The following WLS variants were observed in gnomAD, a reference collection of about 807,000 sequenced individuals.
The protein encoded by WLS is Wnt ligand secretion mediator, also known as protein wntless homolog.
A neutral mutation model predicts 62.8 loss-of-function variants in WLS; 23 were observed. The observed-to-expected ratio is 0.37, with a 90% confidence interval of 0.26 to 0.52. WLS has a LOEUF of 0.52. Ranked by LOEUF, WLS falls within the 20% of genes least tolerant of loss-of-function variation. The pLI is 0.92. For synonymous variants in WLS, 246 were observed against 244.1 expected, an observed-to-expected ratio of 1.01 and a Z score of -0.07; for missense variants, 615 against 697.3, an observed-to-expected ratio of 0.88 and a Z score of 1.33.
At chr1:68,107,393 G>A (rs1337548411) in intron 11 of WLS, among the ~76,000 whole-genome samples, 1 of 152,088 alleles carries the variant, frequency 6.6e-6, no homozygotes, top group African/African-American at 2.4e-5. Context: ...TGGAAGGTAG[G>A]AGGATAGATA....
intron 1 of WLS, among the ~76,000 whole-genome samples, chr1:68,196,098 T>C (rs1419221749): frequency 6.6e-6 from 1 of 151,486 alleles, no homozygotes. Flanking sequence ...TCTTCCCCAA[T>C]CCATTTCAAA....
chr1:68,170,871 TCA>T (rs1647143431), intron 2 of WLS, among the ~76,000 whole-genome samples: 1 of 152,222 alleles, frequency 6.6e-6, no homozygotes. Flanking sequence ...TCAGTCTTGT[TCA>T]CAGTTATATC....
intron 2 of WLS, chr1:68,162,070 A>G (rs1570921883): frequency 1.6e-5 from 25 of 1,583,374 alleles, no homozygotes; most frequent in Non-Finnish European, 2.2e-5. Flanking sequence ...GGCTCGGCGG[A>G]TCTCAGTGGC....
chr1:68,168,353 A>C (rs1647093667), intron 2 of WLS, among the ~76,000 whole-genome samples: 1 of 152,200 alleles, frequency 6.6e-6, no homozygotes, highest in Admixed American at 6.5e-5. Context: ...TGGGCACCAA[A>C]TGGATGTGAT....
At chr1:68,103,359 C>T (rs1646103059) in intron 11 of WLS, among the ~76,000 whole-genome samples, 1 of 152,226 alleles carries the variant, frequency 6.6e-6, no homozygotes, top group South Asian at 2.1e-4. Flanking sequence ...CACAGGTTGG[C>T]TCCCCTTGTG....
chr1:68,194,522 A>C (rs1036066), intron 1 of WLS, among the ~76,000 whole-genome samples: 50,938 of 152,136 alleles, frequency 0.33, 8,710 homozygotes, highest in Middle Eastern at 0.42. Flanking sequence ...ACAAAAAATC[A>C]ACTGTGCTAC....
At chr1:68,201,089 C>T (rs1009123505) in intron 1 of WLS, among the ~76,000 whole-genome samples, 1 of 152,140 alleles carries the variant, frequency 6.6e-6, no homozygotes, top group African/African-American at 2.4e-5. Context: ...CTTAGACATT[C>T]CACATGCCTT....
intron 11 of WLS, among the ~76,000 whole-genome samples, chr1:68,104,668 G>A (rs1646121691): frequency 6.6e-6 from 1 of 152,146 alleles, no homozygotes; most frequent in Non-Finnish European, 1.5e-5. Flanking sequence ...CCAGCACTTT[G>A]GGATGCTGAG....
chr1:68,137,241 A>C (rs714281), intron 11 of WLS, among the ~76,000 whole-genome samples: 86,686 of 151,610 alleles, frequency 0.57, 25,717 homozygotes, highest in Admixed American at 0.65. Flanking sequence ...ATAAGATATA[A>C]AAAGGCAGCA....
intron 11 of WLS, among the ~76,000 whole-genome samples, chr1:68,117,269 C>A (rs866825602): frequency 6.6e-6 from 1 of 152,196 alleles, no homozygotes. Context: ...TCTTCCCAAC[C>A]AATGAATGCT....
At position 68,232,309 on chromosome 1, in the gene WLS, C is replaced by T; in HGVS notation, c.-10G>A. On this transcript the variant is annotated 5_prime_UTR_variant, in exon 1 of 12. Coordinates refer to ENST00000262348, the MANE Select transcript of WLS (RefSeq NM_024911.7). ...TAATTGCCCCAGCCATTTTTGCGCC[C>T]CCCCTTTTTCTTTTCTCCTTGAAAT... 6.2e-7 allele frequency: 1 copy of T among 1,613,158 alleles called. No homozygotes were observed. The highest frequency in any genetic ancestry group is 1.1e-5 in the South Asian group (1 of 90,902).
intron 4 of WLS, 102 bp from the exon 5 acceptor site, chr1:68,153,755 C>A: frequency 1.4e-6 from 2 of 1,461,054 alleles, no homozygotes; most frequent in Non-Finnish European, 1.9e-6. Context: ...ACCTCGTCTG[C>A]GAATGTTCAC....
intron 2 of WLS, among the ~76,000 whole-genome samples, chr1:68,168,982 G>C (rs1396499302): frequency 6.6e-6 from 1 of 152,214 alleles, no homozygotes; most frequent in Non-Finnish European, 1.5e-5. Context: ...TGCCCTACAG[G>C]CCTGGGTGTG....
intron 1 of WLS, chr1:68,231,897 C>A: frequency 2.1e-5 from 10 of 476,932 alleles, no homozygotes; most frequent in South Asian, 9.9e-5. Flanking sequence ...TGTAACCCAG[C>A]GCTTCCTCGC....
chr1:68,176,761 C>T (rs1442187027), intron 2 of WLS, among the ~76,000 whole-genome samples: 1 of 152,186 alleles, frequency 6.6e-6, no homozygotes, highest in Non-Finnish European at 1.5e-5. Flanking sequence ...ACCTAGAAAT[C>T]ACTTTGAAGA....
intron 1 of WLS, among the ~76,000 whole-genome samples, chr1:68,227,624 C>G (rs1192970459): frequency 6.6e-6 from 1 of 151,762 alleles, no homozygotes; most frequent in Admixed American, 6.6e-5. Flanking sequence ...CACAGTACTC[C>G]TACAAACCAC....
chr1:68,142,881 T>C (rs1176195839), intron 10 of WLS: 1 of 152,198 alleles, frequency 6.6e-6, no homozygotes, highest in Non-Finnish European at 1.5e-5. Context: ...GAAAAAATTA[T>C]ATATTTTCAC....
At chr1:68,192,789 A>C (rs1244443583) in intron 2 of WLS, among the ~76,000 whole-genome samples, 6 of 144,260 alleles carry the variant, frequency 4.2e-5, no homozygotes, top group African/African-American at 1.5e-4. Context: ...AAAAAAAAAC[A>C]GAAGAAGAAA....
At chr1:68,127,342 C>A (rs1352520671) in intron 11 of WLS, 2 of 160,000 alleles carry the variant, frequency 1.3e-5, no homozygotes, top group African/African-American at 4.8e-5. Context: ...AAAAGAAGTG[C>A]CAGAAACGTG....
Sources: allele counts gnomAD v4.1 joint callset (sites outside exome capture counted in the v4.1 genomes callset), GRCh38; gene constraint gnomAD v4.1.1; transcripts MANE v1.5; gene names NCBI Gene and HGNC (gene_info 2026-07-23, HGNC 2026-07-21).